Variants in NRCAM observed in about 807,000 individuals in gnomAD.
NRCAM encodes NgCAM-related cell adhesion molecule.
A neutral mutation model predicts 156.5 loss-of-function variants in NRCAM; 83 were observed. The ratio of observed to expected loss-of-function variants is 0.53; its 90% CI spans 0.44 to 0.64. The LOEUF (loss-of-function observed/expected upper bound fraction) is 0.64. Among genes scored for constraint, NRCAM ranks in the 30% least tolerant of loss-of-function variants. The probability of loss-of-function intolerance (pLI) is 0.00; values close to 1 mark genes in which losing one functional copy is unlikely to be tolerated. For synonymous variants in NRCAM, 538 were observed against 563.9 expected, an observed-to-expected ratio of 0.95 and a Z score of 0.65; for missense variants, 1,417 against 1,597.3, an observed-to-expected ratio of 0.89 and a Z score of 1.92.
At chr7:108,336,952 T>C (rs2099200990) in intron 2 of NRCAM, among the ~76,000 whole-genome samples, 1 of 152,136 alleles carries the variant, frequency 6.6e-6, no homozygotes, top group Admixed American at 6.6e-5. Flanking sequence ...AATAAATGTA[T>C]TTTGCATTAT....
chr7:108,380,886 T>C (rs186924372), intron 2 of NRCAM, among the ~76,000 whole-genome samples: 1 of 152,258 alleles, frequency 6.6e-6, no homozygotes, highest in Admixed American at 6.5e-5. Flanking sequence ...TCCCTCTCTT[T>C]TGTATGTATG....
At chr7:108,194,704 T>G (rs551179794) in intron 15 of NRCAM, among the ~76,000 whole-genome samples, 1 of 152,374 alleles carries the variant, frequency 6.6e-6, no homozygotes, top group South Asian at 2.1e-4. Flanking sequence ...TTTTCTTCTC[T>G]GGGGTTAAGG....
At chr7:108,391,266 G>A (rs919857930) in intron 2 of NRCAM, among the ~76,000 whole-genome samples, 1 of 152,010 alleles carries the variant, frequency 6.6e-6, no homozygotes, top group East Asian at 1.9e-4. Context: ...CCTGTATTGG[G>A]TGCATATATA....
At chr7:108,199,946 C>T (rs1315998677) in intron 13 of NRCAM, among the ~76,000 whole-genome samples, 3 of 152,110 alleles carry the variant, frequency 2.0e-5, no homozygotes, top group Non-Finnish European at 2.9e-5. Context: ...TTTAAAAATT[C>T]GCCATACATT....
At chr7:108,336,787 TTAAG>T (rs1467193907) in intron 2 of NRCAM, among the ~76,000 whole-genome samples, 4 of 152,178 alleles carry the variant, frequency 2.6e-5, no homozygotes, top group African/African-American at 9.7e-5. Flanking sequence ...TTCATATCTC[TTAAG>T]TAATAACAAT....
intron 14 of NRCAM, among the ~76,000 whole-genome samples, 160 bp downstream of exon 14, chr7:108,197,796 C>A (rs397179): frequency 0.8 from 121,538 of 152,150 alleles, 48,664 homozygotes; most frequent in East Asian, 0.88. Flanking sequence ...TTAAGACTGC[C>A]ATATTCTTTG....
intron 2 of NRCAM, among the ~76,000 whole-genome samples, chr7:108,331,895 T>C (rs2099130947): frequency 6.6e-6 from 1 of 152,232 alleles, no homozygotes; most frequent in Non-Finnish European, 1.5e-5. Context: ...GATGCTTTTC[T>C]TTTGAAATTC....
intron 30 of NRCAM, among the ~76,000 whole-genome samples, chr7:108,164,729 C>A (rs2151682409): frequency 6.6e-6 from 1 of 152,266 alleles, no homozygotes. Context: ...TTTGCTCTTA[C>A]AGGCGATGTG....
chr7:108,177,252 T>C lies in NRCAM; in HGVS notation c.2975-646A>G, dbSNP rs539525541. ...ATAGGTGAAAGCTAAAAAAAGTTCA[T>C]GTCACAGAAGTAAAAAGTAGAACAC... On this transcript the variant is annotated intron_variant, in intron 26 of 32. Coordinates refer to ENST00000379028, the MANE Select transcript of NRCAM (RefSeq NM_001037132.4). 1.3e-3 allele frequency among the ~76,000 whole-genome samples: 196 copies of C among 152,190 alleles called. 2 individuals are homozygous for C. The highest frequency in any genetic ancestry group is 3.2e-4 in the Non-Finnish European group (22 of 68,012).
chr7:108,155,890 G>T (rs918839565), intron 32 of NRCAM, among the ~76,000 whole-genome samples: 2 of 151,996 alleles, frequency 1.3e-5, no homozygotes, highest in Admixed American at 1.3e-4. Flanking sequence ...CTTTCCCTAA[G>T]AATAAATTTT....
At chr7:108,380,106 G>A (rs2099694372) in intron 2 of NRCAM, among the ~76,000 whole-genome samples, 1 of 152,070 alleles carries the variant, frequency 6.6e-6, no homozygotes, top group Admixed American at 6.6e-5. Flanking sequence ...AGTATCTCCT[G>A]TAATCACACA....
chr7:108,302,307 T>A (rs2098638541), intron 3 of NRCAM, among the ~76,000 whole-genome samples: 1 of 152,122 alleles, frequency 6.6e-6, no homozygotes, highest in Non-Finnish European at 1.5e-5. Flanking sequence ...GGTCCCTCAG[T>A]TAATATAAGT....
chr7:108,390,799 C>A (rs1327286485), intron 2 of NRCAM, among the ~76,000 whole-genome samples: 2 of 152,178 alleles, frequency 1.3e-5, no homozygotes, highest in Non-Finnish European at 1.5e-5. Flanking sequence ...TTTCAAAGAA[C>A]ATCTTTATTT....
At chr7:108,336,137 T>C (rs1158949482) in intron 2 of NRCAM, among the ~76,000 whole-genome samples, 1 of 152,188 alleles carries the variant, frequency 6.6e-6, no homozygotes, top group Non-Finnish European at 1.5e-5. Flanking sequence ...TTTTCTATAA[T>C]TACTCATATT....
chr7:108,293,619 T>G (rs776526532), intron 3 of NRCAM, among the ~76,000 whole-genome samples: 5 of 152,220 alleles, frequency 3.3e-5, no homozygotes, highest in Admixed American at 6.5e-5. Context: ...TATGATTGTC[T>G]CCTAAGCAGT....
intron 2 of NRCAM, among the ~76,000 whole-genome samples, chr7:108,350,002 C>T (rs2099400025): frequency 6.6e-6 from 1 of 152,196 alleles, no homozygotes; most frequent in Non-Finnish European, 1.5e-5. Context: ...GATCACGCTT[C>T]ACCCAAAATG....
At chr7:108,241,273 C>T (rs1589643472) in intron 3 of NRCAM, among the ~76,000 whole-genome samples, 2 of 152,192 alleles carry the variant, frequency 1.3e-5, no homozygotes, top group East Asian at 3.8e-4. Context: ...TCTCCCAACA[C>T]CTAATACAGC....
intron 2 of NRCAM, among the ~76,000 whole-genome samples, chr7:108,341,175 A>T (rs2099272341): frequency 6.6e-6 from 1 of 152,222 alleles, no homozygotes; most frequent in Non-Finnish European, 1.5e-5. Flanking sequence ...CCACTGCCCC[A>T]GGGGACAAAG....
At chr7:108,200,335 G>T (rs1207908295) in intron 13 of NRCAM, among the ~76,000 whole-genome samples, 1 of 152,208 alleles carries the variant, frequency 6.6e-6, no homozygotes, top group African/African-American at 2.4e-5. Context: ...TGACACACTG[G>T]CCTAGAAAGG....
Sources: gnomAD v4.1 joint callset for allele counts (sites outside exome capture counted in the v4.1 genomes callset) on GRCh38, gnomAD v4.1.1 for gene constraint, MANE v1.5 for transcripts, NCBI Gene and HGNC (gene_info 2026-07-23, HGNC 2026-07-21) for gene names.